Variants in RSPO2 observed in about 807,000 individuals in gnomAD.
RSPO2 encodes the protein R-spondin-2.
RSPO2 carries 14 observed loss-of-function variants against 30.9 expected under a neutral mutation model. The ratio of observed to expected loss-of-function variants is 0.45; its 90% CI spans 0.30 to 0.71. RSPO2 has a LOEUF of 0.71. Ranked by LOEUF, RSPO2 falls within the 30% of genes least tolerant of loss-of-function variation. RSPO2 has a pLI of 0.08. For synonymous variants in RSPO2, 107 were observed against 96.4 expected, an observed-to-expected ratio of 1.11 and a Z score of -0.64; for missense variants, 264 against 301.9, an observed-to-expected ratio of 0.87 and a Z score of 0.93.
intron 2 of RSPO2, among the ~76,000 whole-genome samples, chr8:108,037,082 G>A (rs1055671046): frequency 7.9e-5 from 12 of 152,152 alleles, no homozygotes; most frequent in Non-Finnish European, 5.9e-5. Context: ...TTCAAGAGGA[G>A]GAGTCCTATA....
At chr8:107,973,309 G>C (rs2130477141) in intron 3 of RSPO2, among the ~76,000 whole-genome samples, 1 of 151,984 alleles carries the variant, frequency 6.6e-6, no homozygotes, top group Middle Eastern at 3.4e-3. Flanking sequence ...AGGAAATTCA[G>C]ATTTTTCTAA....
intron 2 of RSPO2, among the ~76,000 whole-genome samples, chr8:108,009,591 T>A (rs575617358): frequency 9.2e-5 from 14 of 152,352 alleles, no homozygotes; most frequent in African/African-American, 2.9e-4. Flanking sequence ...AATTTATTTT[T>A]AGCTCTTAGC....
chr8:108,017,240 A>C (rs1407410101), intron 2 of RSPO2, among the ~76,000 whole-genome samples: 2 of 151,998 alleles, frequency 1.3e-5, no homozygotes, highest in Non-Finnish European at 2.9e-5. Context: ...GATGGTCTCG[A>C]TCTCATGACC....
At chr8:108,069,507 C>T (rs759854893) in intron 2 of RSPO2, among the ~76,000 whole-genome samples, 4 of 152,090 alleles carry the variant, frequency 2.6e-5, no homozygotes, top group Admixed American at 1.3e-4. Flanking sequence ...CCACTACGCC[C>T]GGCAAGTTCT....
At chr8:108,043,216 T>A (rs1266212448) in intron 2 of RSPO2, among the ~76,000 whole-genome samples, 1 of 152,118 alleles carries the variant, frequency 6.6e-6, no homozygotes, top group Non-Finnish European at 1.5e-5. Flanking sequence ...GTAAGTGTAC[T>A]CAATTTGTAG....
chr8:108,059,712 T>C (rs1019916376), intron 2 of RSPO2, among the ~76,000 whole-genome samples: 2 of 148,680 alleles, frequency 1.3e-5, no homozygotes, highest in Admixed American at 6.6e-5. Context: ...GGGACATGGA[T>C]GAAACTGGAA....
chr8:107,993,070 T>C (rs1338280505), intron 2 of RSPO2, among the ~76,000 whole-genome samples: 2 of 139,072 alleles, frequency 1.4e-5, no homozygotes, highest in Non-Finnish European at 3.1e-5. Context: ...AAAAAACATA[T>C]AATGATTTTC....
chr8:107,969,817 G>T (rs1486150886), intron 3 of RSPO2, among the ~76,000 whole-genome samples: 1 of 152,068 alleles, frequency 6.6e-6, no homozygotes, highest in Non-Finnish European at 1.5e-5. Context: ...GCCATTATTA[G>T]AACTCTCATC....
chr8:108,032,822 G>A (rs1811464659), intron 2 of RSPO2, among the ~76,000 whole-genome samples: 1 of 151,634 alleles, frequency 6.6e-6, no homozygotes, highest in Admixed American at 6.6e-5. Flanking sequence ...TACTTTGGGA[G>A]GCCGAGGCAG....
rs138658180 is a variant in RSPO2 at position 107,977,675 on chromosome 8, A to T, written c.283+11381T>A. Among the ~76,000 whole-genome samples the T allele has an allele frequency of 7.8e-3, 1,183 of 152,182 alleles. 10 individuals are homozygous for T. The highest frequency in any genetic ancestry group is 0.017 in the Middle Eastern group (5 of 294). On this transcript the variant is annotated intron_variant, in intron 3 of 5. Coordinates refer to ENST00000276659, the MANE Select transcript of RSPO2 (RefSeq NM_178565.5). ...TGTGGGGTGGTCCTGTTTGCCATTC[A>T]CTGTAGAGGAAAATAATTTTCCCAA...
intron 2 of RSPO2, among the ~76,000 whole-genome samples, chr8:107,989,782 T>A (rs971511603): frequency 3.9e-5 from 6 of 152,184 alleles, no homozygotes; most frequent in Non-Finnish European, 5.9e-5. Flanking sequence ...GGGGGCTATA[T>A]GATGTTGACA....
chr8:107,922,067 TTTTA>T (rs930302293), intron 5 of RSPO2, among the ~76,000 whole-genome samples: 3 of 152,112 alleles, frequency 2.0e-5, no homozygotes, highest in Admixed American at 2.0e-4. Context: ...CTCTCACCAC[TTTTA>T]TTCAACATAG....
chr8:107,909,348 C>T (rs1012196376), intron 5 of RSPO2, among the ~76,000 whole-genome samples: 12 of 150,986 alleles, frequency 7.9e-5, no homozygotes, highest in African/African-American at 2.2e-4. Flanking sequence ...CTGCAACCTC[C>T]GCTTCCTGGC....
chr8:107,998,292 A>G (rs2130549448), intron 2 of RSPO2, among the ~76,000 whole-genome samples: 1 of 152,154 alleles, frequency 6.6e-6, no homozygotes, highest in South Asian at 2.1e-4. Context: ...GTCGGATGCT[A>G]TAGAAATCAA....
At chr8:108,036,044 T>C (rs910011288) in intron 2 of RSPO2, among the ~76,000 whole-genome samples, 6 of 152,210 alleles carry the variant, frequency 3.9e-5, no homozygotes, top group Non-Finnish European at 1.5e-5. Flanking sequence ...TTCAGTTTGT[T>C]CTAAAATCCA....
Position 107,901,041 on chromosome 8 carries a change from C to A in RSPO2, c.*34G>T. 1 of 1,608,760 alleles carries A rather than the reference C, an allele frequency of 6.2e-7. No homozygotes were observed. The highest frequency in any genetic ancestry group is 8.5e-7 in the Non-Finnish European group (1 of 1,178,534). ...GTAGCTTTGTGCACATTTGCAAAAA[C>A]AAAAACCCCTAAAAATCTACCGGAT... is the stretch of plus-strand genomic sequence containing the variant. On this transcript the variant is annotated 3_prime_UTR_variant, in exon 6 of 6. Coordinates refer to ENST00000276659, the MANE Select transcript of RSPO2 (RefSeq NM_178565.5).
At chr8:107,905,111 TCAGA>T (rs1390738865) in intron 5 of RSPO2, among the ~76,000 whole-genome samples, 1 of 152,088 alleles carries the variant, frequency 6.6e-6, no homozygotes, top group African/African-American at 2.4e-5. Flanking sequence ...CCACTGCCAG[TCAGA>T]CAGTGATTTC....
chr8:108,046,515 G>A (rs1300062247), intron 2 of RSPO2, among the ~76,000 whole-genome samples: 1 of 152,052 alleles, frequency 6.6e-6, no homozygotes, highest in East Asian at 1.9e-4. Flanking sequence ...AATGGTCACT[G>A]ACCATTTTCT....
At chr8:108,047,951 T>A (rs1009926725) in intron 2 of RSPO2, among the ~76,000 whole-genome samples, 4 of 151,802 alleles carry the variant, frequency 2.6e-5, no homozygotes, top group Non-Finnish European at 4.4e-5. Flanking sequence ...TTGACACAAA[T>A]AATTTTTCTC....
Sources: gnomAD v4.1 joint callset for allele counts (sites outside exome capture counted in the v4.1 genomes callset) on GRCh38, gnomAD v4.1.1 for gene constraint, MANE v1.5 for transcripts, NCBI Gene and HGNC (gene_info 2026-07-23, HGNC 2026-07-21) for gene names.